SFI1: variants seen among roughly 807,000 people sequenced by gnomAD.
SFI1 encodes the protein protein SFI1 homolog.
Under a neutral mutation model 207.5 loss-of-function variants are expected in SFI1, and 195 were observed. The ratio of observed to expected loss-of-function variants is 0.94; its 90% CI spans 0.84 to 1.06. SFI1 has a LOEUF of 1.06. Ranked by LOEUF, SFI1 falls within the 50% of genes least tolerant of loss-of-function variation. SFI1 has a pLI of 0.00. For missense variants in SFI1, 1,634 were observed against 1,588.0 expected (o/e 1.03, Z -0.49); for synonymous variants, 630 against 598.9 (o/e 1.05, Z -0.76).
Position 31,520,899 on chromosome 22 carries a change from G to T in SFI1, c.93-7791G>T, listed in dbSNP as rs138420888. Among the ~76,000 whole-genome samples, 74 of 150,360 alleles carry T rather than the reference G, an allele frequency of 4.9e-4. No individual in the cohort carries two copies. In the East Asian group the frequency reaches 0.014, roughly 29 times the overall value. On this transcript the variant is annotated intron_variant, in intron 2 of 32. Coordinates refer to ENST00000400288, the MANE Select transcript of SFI1 (RefSeq NM_001007467.3). Reference sequence around the variant, plus strand: ...CTTGCCTGTAGTACCAGCTGCTCAGGAGTCTAAAGTGGGAGGATCACGTGA... The same window carrying T: ...CTTGCCTGTAGTACCAGCTGCTCAGTAGTCTAAAGTGGGAGGATCACGTGA...
At chr22:31,610,427 G>T (rs2069883783) in intron 22 of SFI1, among the ~76,000 whole-genome samples, 1 of 152,202 alleles carries the variant, frequency 6.6e-6, no homozygotes, top group East Asian at 1.9e-4. Context: ...ACTAATGTGG[G>T]TGCCTCCCAC....
chr22:31,606,242 G>C, intron 20 of SFI1, 86 bp from the exon 21 acceptor site: 1 of 1,232,298 alleles, frequency 8.1e-7, no homozygotes, highest in South Asian at 1.2e-5. Context: ...TCAGGAGTAG[G>C]GGAAGAAGTA....
intron 6 of SFI1, chr22:31,550,697 G>A (rs975355373): frequency 2.9e-5 from 7 of 242,626 alleles, no homozygotes; most frequent in Admixed American, 5.2e-5. Flanking sequence ...AGAGACTCTG[G>A]AGCAGAGCTG....
chr22:31,586,807 C>G (rs1238033449), intron 14 of SFI1, among the ~76,000 whole-genome samples: 1 of 152,172 alleles, frequency 6.6e-6, no homozygotes, highest in African/African-American at 2.4e-5. Flanking sequence ...CACTGGCGGA[C>G]AGTCCAGGGT....
At chr22:31,580,015 G>T in intron 11 of SFI1, 1 of 333,054 alleles carries the variant, frequency 3.0e-6, no homozygotes. Flanking sequence ...GGGTGTGTTT[G>T]TTCTTGTGCA....
At position 31,529,313 on chromosome 22, in the gene SFI1, C is replaced by T. The variant is rs181661505; in HGVS notation, c.266+450C>T. On this transcript the variant is annotated intron_variant, in intron 3 of 32. Transcript: ENST00000400288. Reference sequence around the variant, plus strand: ...CTGTAATCCCAGCACTTTGGGAGGCCGAGGCAGGTGGATCACCTGAGGTCA... The same window carrying T: ...CTGTAATCCCAGCACTTTGGGAGGCTGAGGCAGGTGGATCACCTGAGGTCA... Among the ~76,000 whole-genome samples, 524 of 152,088 alleles carry T rather than the reference C, an allele frequency of 3.4e-3. 2 individuals are homozygous for T. Among genetic ancestry groups the T allele is most frequent in the African/African-American group, 0.012 (502 of 41,472 alleles).
At chr22:31,595,236 T>C (rs1413213208) in intron 15 of SFI1, among the ~76,000 whole-genome samples, 2 of 152,154 alleles carry the variant, frequency 1.3e-5, no homozygotes, top group East Asian at 3.8e-4. Flanking sequence ...GACCTCGTGA[T>C]CCACCCGCCT....
intron 4 of SFI1, among the ~76,000 whole-genome samples, chr22:31,546,209 G>T (rs2060068478): frequency 6.6e-6 from 1 of 151,938 alleles, no homozygotes; most frequent in Non-Finnish European, 1.5e-5. Flanking sequence ...TTGCTATGTT[G>T]CCCAGGTTGG....
At chr22:31,505,909 G>A (rs1017618758) in intron 1 of SFI1, among the ~76,000 whole-genome samples, 11 of 151,900 alleles carry the variant, frequency 7.2e-5, no homozygotes, top group African/African-American at 2.7e-4. Flanking sequence ...AAAAAGGCCA[G>A]GCATGGTGGC....
intron 8 of SFI1, among the ~76,000 whole-genome samples, chr22:31,571,207 C>T (rs1045884478): frequency 5.3e-5 from 8 of 152,174 alleles, no homozygotes; most frequent in Non-Finnish European, 1.2e-4. Flanking sequence ...TTTGTGATGG[C>T]AGTCTTTCCC....
rs2063093733 is a variant in SFI1, at chr22:31,572,844, C to A, written c.766-214C>A. The A allele has an allele frequency of 1.9e-5, 8 of 423,386 alleles. No homozygotes were observed. The Admixed American group carries it at 2.6e-4, about 14-fold the overall frequency. 26.2% of individuals were successfully genotyped at this position (423,386 alleles called of 1,614,324 possible). On this transcript the variant is annotated intron_variant, in intron 8 of 32. Coordinates refer to ENST00000400288, the MANE Select transcript of SFI1 (RefSeq NM_001007467.3). Reference sequence around the variant, plus strand: ...TGATTTTATTCTTCTTTTTTTTAATCCAGGAAAAAATTACTTTTGAAAGCA... The same window carrying A: ...TGATTTTATTCTTCTTTTTTTTAATACAGGAAAAAATTACTTTTGAAAGCA...
Position 31,606,506 on chromosome 22 carries a change from G to T in SFI1, c.2157+76G>T, listed in dbSNP as rs1417221697. ...CTGGTGAGGGCGTGGGATGTAGGGG[G>T]TGGTGCCAGAGATTTGAACTGAATA... On this transcript the variant is annotated intron_variant, in intron 21 of 32. Coordinates refer to ENST00000400288, the MANE Select transcript of SFI1 (RefSeq NM_001007467.3). 3.1e-5 allele frequency: 38 copies of T among 1,220,238 alleles called. 2 individuals carry two copies. The South Asian group carries it at 4.5e-4, about 15-fold the overall frequency. The allele number at this position is 1,220,238 out of a possible 1,614,324, so 75.6% of individuals were successfully genotyped here. A position where few individuals can be genotyped will look rare whatever the true frequency, so the allele number is the denominator to read the frequency against.
intron 22 of SFI1, among the ~76,000 whole-genome samples, chr22:31,609,854 C>A (rs2069757879): frequency 6.6e-6 from 1 of 152,248 alleles, no homozygotes; most frequent in Non-Finnish European, 1.5e-5. Flanking sequence ...CGTGCAGCTT[C>A]AAGCTCCAGA....
chr22:31,517,636 A>G (rs2056706773), intron 2 of SFI1, among the ~76,000 whole-genome samples: 1 of 152,120 alleles, frequency 6.6e-6, no homozygotes, highest in South Asian at 2.1e-4. Flanking sequence ...TTTGTTGATC[A>G]TGTGAGTTAG....
At chr22:31,567,707 C>G (rs982520406) in intron 8 of SFI1, among the ~76,000 whole-genome samples, 1 of 152,014 alleles carries the variant, frequency 6.6e-6, no homozygotes, top group Non-Finnish European at 1.5e-5. Flanking sequence ...TGTGAATTTA[C>G]TTTGTTACAT....
intron 12 of SFI1, among the ~76,000 whole-genome samples, chr22:31,581,392 G>T (rs998705936): frequency 6.6e-6 from 1 of 151,744 alleles, no homozygotes; most frequent in Non-Finnish European, 1.5e-5. Context: ...AAGTTCAAGC[G>T]ATTCTCATGT....
intron 5 of SFI1, among the ~76,000 whole-genome samples, chr22:31,549,452 A>G (rs922746501): frequency 3.3e-5 from 5 of 151,616 alleles, no homozygotes; most frequent in African/African-American, 1.2e-4. Context: ...GGTTCAAGCC[A>G]TTCTCCTGCC....
At chr22:31,508,525 TATAAG>T (rs1374295237) in intron 2 of SFI1, 149 bp downstream of exon 2, 2 of 600,054 alleles carry the variant, frequency 3.3e-6, no homozygotes, top group East Asian at 2.8e-5. Context: ...ATTTTTCATC[TATAAG>T]ATAATACACA....
intron 9 of SFI1, among the ~76,000 whole-genome samples, chr22:31,574,586 G>C (rs899579455): frequency 1.3e-5 from 2 of 152,190 alleles, no homozygotes; most frequent in Middle Eastern, 3.2e-3. Flanking sequence ...AAGTAAAACA[G>C]TCCTTTTTGA....
Sources: gnomAD v4.1 joint callset for allele counts (sites outside exome capture counted in the v4.1 genomes callset) on GRCh38, gnomAD v4.1.1 for gene constraint, MANE v1.5 for transcripts, NCBI Gene and HGNC (gene_info 2026-07-23, HGNC 2026-07-21) for gene names.